Variants in SENP6 observed in about 807,000 individuals in gnomAD.
SENP6 encodes the protein SUMO specific peptidase 6.
SENP6 carries 41 observed loss-of-function variants against 134.5 expected under a neutral mutation model. The ratio of observed to expected loss-of-function variants is 0.30; its 90% CI spans 0.24 to 0.40. The LOEUF (loss-of-function observed/expected upper bound fraction) is 0.40. Among genes scored for constraint, SENP6 ranks in the 10% least tolerant of loss-of-function variants. SENP6 has a pLI of 1.00. For synonymous variants in SENP6, 395 were observed against 429.8 expected (o/e 0.92, Z 1.00); for missense variants, 1,248 against 1,312.5 (o/e 0.95, Z 0.76).
At position 75,614,260 on chromosome 6, in the gene SENP6, C is replaced by CTT. The variant is rs1024636893; in HGVS notation, c.53-7254_53-7253dup. Among the ~76,000 whole-genome samples the CTT allele has an allele frequency of 1.1e-4, 16 of 140,240 alleles. No homozygotes were observed. The South Asian group carries it at 1.4e-3, about 12-fold the overall frequency. 92.0% of individuals were successfully genotyped at this position (140,240 alleles called of 152,430 possible). ...AGATTTTTCCACAGAAAGTTACTAT[C>CTT]TTTTTTTTTTTTTTTTTTTGTTTGA... On this transcript the variant is annotated intron_variant, in intron 1 of 23. Coordinates refer to ENST00000447266, the MANE Select transcript of SENP6 (RefSeq NM_015571.4).
intron 14 of SENP6, chr6:75,677,489 CCTTAT>C (rs1440970157): frequency 2.8e-6 from 1 of 352,416 alleles, no homozygotes; most frequent in African/African-American, 2.1e-5. Flanking sequence ...CACATTCTAT[CCTTAT>C]CTTTACTTTT....
intron 7 of SENP6, among the ~76,000 whole-genome samples, chr6:75,658,058 A>G (rs1354171807): frequency 1.3e-5 from 2 of 152,152 alleles, no homozygotes; most frequent in Non-Finnish European, 2.9e-5. Flanking sequence ...AAATTGGGAT[A>G]GAGGACATCA....
Position 75,663,332 on chromosome 6 carries a change from T to A in SENP6, c.808T>A (p.Leu270Ile). The stretch of plus-strand genomic sequence containing the variant: ...AGGACAGAAGTCACAAAACACAGGA[T>A]TAACAACCAAGAAGTTTTATGGCAA... ...SGGQKSQNTGLTTKKFYGNNV... is the reference protein window; with the variant it reads ...SGGQKSQNTGITTKKFYGNNV... Residue 270 changes from leucine to isoleucine, a missense_variant, in exon 9 of 24, where the codon TTA becomes ATA. By Grantham distance (5) the Leu-to-Ile change is conservative (BLOSUM62 2). This residue lies in a region of SENP6 where 733 missense variants were observed against 725.4 expected (regional missense o/e 1.01). Coordinates refer to ENST00000447266, the MANE Select transcript of SENP6 (RefSeq NM_015571.4). 1 of 1,613,744 alleles carries A rather than the reference T, an allele frequency of 6.2e-7. No individual in the cohort carries two copies. Among genetic ancestry groups the A allele is most frequent in the Non-Finnish European group, 8.5e-7 (1 of 1,179,830 alleles).
At chr6:75,683,509 C>G (rs933527880) in intron 16 of SENP6, among the ~76,000 whole-genome samples, 1 of 152,124 alleles carries the variant, frequency 6.6e-6, no homozygotes, top group African/African-American at 2.4e-5. Context: ...AGGTTTTCTT[C>G]TAGGGTTTTT....
At chr6:75,615,219 C>T (rs183368710) in intron 1 of SENP6, among the ~76,000 whole-genome samples, 21 of 151,744 alleles carry the variant, frequency 1.4e-4, no homozygotes, top group African/African-American at 3.9e-4. Context: ...CTTGCTGTGT[C>T]GCGCAGGCTG....
At chr6:75,656,237 A>G (rs1019935510) in intron 7 of SENP6, among the ~76,000 whole-genome samples, 1 of 151,544 alleles carries the variant, frequency 6.6e-6, no homozygotes, top group Admixed American at 6.6e-5. Flanking sequence ...AAAAAAGAAT[A>G]CACATTGAGC....
At chr6:75,691,334 A>G (rs1327784756) in intron 16 of SENP6, among the ~76,000 whole-genome samples, 5 of 151,764 alleles carry the variant, frequency 3.3e-5, no homozygotes, top group East Asian at 2.0e-4. Flanking sequence ...TTGGAGATAT[A>G]GGGTCTTCCT....
chr6:75,650,819 A>G (rs1451260180), intron 7 of SENP6, among the ~76,000 whole-genome samples: 2 of 152,220 alleles, frequency 1.3e-5, no homozygotes, highest in Admixed American at 1.3e-4. Flanking sequence ...CTTTTAAAAC[A>G]TTGAGATTTC....
At chr6:75,615,722 A>G (rs1314534685) in intron 1 of SENP6, among the ~76,000 whole-genome samples, 3 of 152,224 alleles carry the variant, frequency 2.0e-5, no homozygotes, top group Non-Finnish European at 2.9e-5. Context: ...ACTTCATAAA[A>G]TGAGCTGCAA....
chr6:75,699,351 T>C (rs1195841574), intron 18 of SENP6, among the ~76,000 whole-genome samples: 2 of 104,618 alleles, frequency 1.9e-5, no homozygotes, highest in Admixed American at 1.8e-4. Flanking sequence ...GTTTTTGTTT[T>C]TGCTTTTTTT....
intron 7 of SENP6, among the ~76,000 whole-genome samples, chr6:75,656,540 G>A (rs188744280): frequency 1.0e-3 from 159 of 152,270 alleles, no homozygotes; most frequent in Admixed American, 5.1e-3. Flanking sequence ...TGTTTCTGCT[G>A]TAATTTTAGA....
At chr6:75,704,092 T>C (rs572445325) in intron 19 of SENP6, among the ~76,000 whole-genome samples, 123 of 152,256 alleles carry the variant, frequency 8.1e-4, no homozygotes, top group Non-Finnish European at 1.2e-3. Context: ...AGGGGTGGCC[T>C]GCCCTTCCAC....
At chr6:75,682,973 A>G (rs960002181) in intron 16 of SENP6, among the ~76,000 whole-genome samples, 1 of 152,208 alleles carries the variant, frequency 6.6e-6, no homozygotes, top group Non-Finnish European at 1.5e-5. Context: ...TCCTTGAGGA[A>G]TCGCCACACT....
rs536768221 is a variant in SENP6, at chr6:75,654,199, C to T, written c.551-5063C>T. ...AGGTTGAGGCACTGTGATCACGCCT[C>T]TGCACTCCAGCCTGGGCTACAGAGT... On this transcript the variant is annotated intron_variant, in intron 7 of 23. Transcript: ENST00000447266. 2.6e-5 allele frequency among the ~76,000 whole-genome samples: 4 copies of T among 152,316 alleles called. No individual in the cohort carries two copies. In the East Asian group the frequency reaches 7.7e-4, roughly 29 times the overall value.
chr6:75,612,247 T>C lies in SENP6; in HGVS notation c.53-9285T>C, dbSNP rs1381603574. On this transcript the variant is annotated intron_variant, in intron 1 of 23. Transcript: ENST00000447266. ...GACTCAAGGCTTTGGAAAATCTTGA[T>C]AGTTCTTAAGAAAGACTTGGGCTGT... Among the ~76,000 whole-genome samples the C allele has an allele frequency of 3.9e-5, 6 of 152,248 alleles. No homozygotes were observed. In the East Asian group the frequency reaches 9.6e-4, roughly 24 times the overall value.
intron 10 of SENP6, among the ~76,000 whole-genome samples, chr6:75,669,424 A>C (rs1049821170): frequency 9.9e-5 from 15 of 152,168 alleles, no homozygotes; most frequent in Non-Finnish European, 8.8e-5. Flanking sequence ...AGTTTACAAA[A>C]TCATATGATC....
intron 18 of SENP6, chr6:75,697,800 G>C (rs899907562): frequency 1.1e-5 from 3 of 270,082 alleles, no homozygotes; most frequent in African/African-American, 6.6e-5. Context: ...TTATTGTCTA[G>C]CAAGTAACCT....
chr6:75,678,714 T>C, intron 15 of SENP6, 22 bp downstream of exon 15: 1 of 1,420,362 alleles, frequency 7.0e-7, no homozygotes. Context: ...CCTTTATATT[T>C]GCAATGATCT....
Position 75,717,607 on chromosome 6 carries a change from C to CA in SENP6, c.*2017dup, listed in dbSNP as rs1220718081. 1 of 152,074 alleles carries CA rather than the reference C, an allele frequency of 6.6e-6. No homozygotes were observed. Among genetic ancestry groups the CA allele is most frequent in the Admixed American group, 6.6e-5 (1 of 15,264 alleles). The allele number at this position is 152,074 out of a possible 1,614,324, so 9.4% of individuals were successfully genotyped here. ...CTTCGGAGGCTGCCAGGTTGAGCTTCAAAACTAGACTTGAGAATCTTTCGT... is the reference window on the plus strand; with the variant it reads ...CTTCGGAGGCTGCCAGGTTGAGCTTCAAAAACTAGACTTGAGAATCTTTCGT... On this transcript the variant is annotated 3_prime_UTR_variant, in exon 24 of 24. Coordinates refer to ENST00000447266, the MANE Select transcript of SENP6 (RefSeq NM_015571.4).
Sources: allele counts gnomAD v4.1 joint callset (sites outside exome capture counted in the v4.1 genomes callset), GRCh38; gene constraint gnomAD v4.1.1; regional missense constraint gnomAD v4.1.1; transcripts MANE v1.5; gene names NCBI Gene and HGNC (gene_info 2026-07-23, HGNC 2026-07-21).